Variants in MELTF observed in about 807,000 individuals in gnomAD.
MELTF encodes melanotransferrin.
Under a neutral mutation model 83.7 loss-of-function variants are expected in MELTF, and 67 were observed. The observed-to-expected ratio is 0.80, with a 90% CI of 0.66 to 0.98. The LOEUF is 0.98. Ranked by LOEUF, MELTF falls within the 50% of genes least tolerant of loss-of-function variation. The pLI, the probability that MELTF is intolerant of heterozygous loss-of-function variation, is 0.00. For missense variants in MELTF, 1,002 were observed against 1,035.6 expected (o/e 0.97, Z 0.44); for synonymous variants, 462 against 447.6 (o/e 1.03, Z -0.41).
chr3:197,003,848 G>T lies in MELTF; in HGVS notation c.2137+53C>A. 6.3e-7 allele frequency: 1 copy of T among 1,577,720 alleles called. No individual in the cohort carries two copies. The highest frequency in any genetic ancestry group is 8.6e-7 in the Non-Finnish European group (1 of 1,156,428). On this transcript the variant is annotated intron_variant, in intron 15 of 15. Coordinates refer to ENST00000296350, the MANE Select transcript of MELTF (RefSeq NM_005929.6). This position sits in a 1 kb window ranked among gnomAD's most constrained non-coding sequence, Gnocchi z 6.2. The stretch of plus-strand genomic sequence containing the variant: ...GCCCCCCGCTCCCTCAGGGTTCTGG[G>T]GTGAAGGGGTCTGAATAGCACCAGG...
chr3:197,004,294 T>G, intron 14 of MELTF, 195 bp from the exon 15 acceptor site: 1 of 613,642 alleles, frequency 1.6e-6, no homozygotes, highest in Non-Finnish European at 2.9e-6. Context: ...GTGGGGACAC[T>G]AGGCCCGCAG....
intron 9 of MELTF, 142 bp from the exon 10 acceptor site, chr3:197,010,936 T>C: frequency 2.9e-6 from 2 of 697,094 alleles, no homozygotes; most frequent in Non-Finnish European, 2.5e-6. Context: ...GGGTGGGGAG[T>C]ACCCCATCCT....
At chr3:197,009,165 C>T (rs1416011231) in intron 11 of MELTF, among the ~76,000 whole-genome samples, 200 bp from the exon 12 acceptor site, 1 of 152,150 alleles carries the variant, frequency 6.6e-6, no homozygotes, top group African/African-American at 2.4e-5. Flanking sequence ...TGTCTAGATA[C>T]AGCATCTCCA....
chr3:197,004,043 G>A lies in MELTF; in HGVS notation c.1995C>T (p.Asn665=), dbSNP rs1718885062. 1 of 1,614,076 alleles carries A rather than the reference G, an allele frequency of 6.2e-7. No homozygotes were observed. The highest frequency in any genetic ancestry group is 1.3e-5 in the African/African-American group (1 of 74,946). Residue 665 remains asparagine (N), a synonymous_variant, in exon 15 of 16, where the codon AAC becomes AAT. Coordinates refer to ENST00000296350, the MANE Select transcript of MELTF (RefSeq NM_005929.6). ...KNGFKMFDSS[N]YHGQDLLFKD... ...TGAAAAGCAGGTCTTGGCCATGATA[G>A]TTGGAGGAGTCGAACATTTTGAACC...
chr3:197,027,614 C>T (rs1004740821), intron 2 of MELTF, 142 bp downstream of exon 2: 22 of 1,124,828 alleles, frequency 2.0e-5, no homozygotes, highest in East Asian at 2.7e-5. Context: ...AAGCTGGCCT[C>T]GTGGCCAGGG....
chr3:197,007,319 A>G lies in MELTF; in HGVS notation c.1751-583T>C, dbSNP rs1472737585. ...TAAACCAGCATCCCACTGATTCTAA[A>G]GCAGGCGGTCTCGGGCTGCCTGAGA... On this transcript the variant is annotated intron_variant, in intron 13 of 15. Coordinates refer to ENST00000296350, the MANE Select transcript of MELTF (RefSeq NM_005929.6). The surrounding 1 kb of genome is among the most constrained non-coding windows in gnomAD (Gnocchi z 4.3). Among the ~76,000 whole-genome samples the G allele has an allele frequency of 2.0e-5, 3 of 152,218 alleles. No individual in the cohort carries two copies. Among genetic ancestry groups the G allele is most frequent in the African/African-American group, 7.2e-5 (3 of 41,458 alleles).
intron 14 of MELTF, 136 bp from the exon 15 acceptor site, chr3:197,004,235 T>C: frequency 1.2e-6 from 1 of 831,070 alleles, no homozygotes; most frequent in Non-Finnish European, 2.0e-6. Flanking sequence ...CCACTCTGAT[T>C]GGAAGTCATA....
Position 197,007,334 on chromosome 3 carries a change from G to T in MELTF, c.1751-598C>A, listed in dbSNP as rs536323520. On this transcript the variant is annotated intron_variant, in intron 13 of 15. Coordinates refer to ENST00000296350, the MANE Select transcript of MELTF (RefSeq NM_005929.6). The surrounding 1 kb of genome is among the most constrained non-coding windows in gnomAD (Gnocchi z 4.3). ...CTGATTCTAAAGCAGGCGGTCTCGG[G>T]CTGCCTGAGAAAATGCTGCCCTCAG... Among the ~76,000 whole-genome samples the T allele has an allele frequency of 5.4e-4, 82 of 152,180 alleles. No individual in the cohort carries two copies. The highest frequency in any genetic ancestry group is 1.2e-4 in the Non-Finnish European group (8 of 68,026).
intron 6 of MELTF, chr3:197,019,579 A>T: frequency 6.3e-7 from 1 of 1,583,936 alleles, no homozygotes; most frequent in East Asian, 2.3e-5. Context: ...TCTCAAAAAA[A>T]ACCCCAAGTT....
At chr3:197,028,778 GCCAGAGGCCTGT>G (rs1465095794) in intron 1 of MELTF, 3 of 152,624 alleles carry the variant, frequency 2.0e-5, no homozygotes, top group Non-Finnish European at 2.9e-5. Flanking sequence ...AGCCAGCACT[GCCAGAGGCCTGT>G]GCAGGAGGGA....
At position 197,008,292 on chromosome 3, in the gene MELTF, G is replaced by T. The variant is rs1719050292; in HGVS notation, c.1750+365C>A. On this transcript the variant is annotated intron_variant, in intron 13 of 15. Coordinates refer to ENST00000296350, the MANE Select transcript of MELTF (RefSeq NM_005929.6). The surrounding 1 kb of genome is among the most constrained non-coding windows in gnomAD (Gnocchi z 5.4). ...CAGGAACACAGACCAGATACTGATT[G>T]AACTCATGACCCTGTGGAGAGGCTC... Among the ~76,000 whole-genome samples, 1 of 152,146 alleles carries T rather than the reference G, an allele frequency of 6.6e-6. No individual in the cohort carries two copies. The highest frequency in any genetic ancestry group is 2.4e-5 in the African/African-American group (1 of 41,428).
At chr3:197,017,684 T>A (rs975896987) in intron 6 of MELTF, among the ~76,000 whole-genome samples, 2 of 152,158 alleles carry the variant, frequency 1.3e-5, no homozygotes, top group Non-Finnish European at 1.5e-5. Context: ...AAGACCATCC[T>A]GGCTAACACG....
In MELTF at chr3:197,003,961, G is replaced by A; in HGVS notation, c.2077C>T (p.Leu693=). Residue 693 remains leucine, a synonymous_variant, in exon 15 of 16, where the codon CTG becomes TTG. Transcript: ENST00000296350. This position sits in a 1 kb window ranked among gnomAD's most constrained non-coding sequence, Gnocchi z 6.2. The part of the protein sequence containing the change: ...VGEKTTYRGW[L]GLDYVAALEG... ...AGCGCCGCCACGTAGTCCAGCCCCA[G>A]CCAGCCGCGGTAGGTGGTTTTCTCT... 6.2e-7 allele frequency: 1 copy of A among 1,614,112 alleles called. No homozygotes were observed. Among genetic ancestry groups the A allele is most frequent in the African/African-American group, 1.3e-5 (1 of 75,058 alleles).
rs1330689744 is a variant in MELTF at position 197,029,577 on chromosome 3, AG to A, written c.49+76del. ...GAGCCGCAGGCTCAGGCACATTTCC[AG>A]CCCCGGGACCTGCTCAGCCGGGCCG... On this transcript the variant is annotated intron_variant, in intron 1 of 15. Transcript: ENST00000296350. This position sits in a 1 kb window ranked among gnomAD's most constrained non-coding sequence, Gnocchi z 6.5. The A allele has an allele frequency of 8.6e-7, 1 of 1,161,224 alleles. No individual in the cohort carries two copies. The highest frequency in any genetic ancestry group is 1.6e-5 in the African/African-American group (1 of 62,706). The allele number at this position is 1,161,224 out of a possible 1,614,324, so 71.9% of individuals were successfully genotyped here. A position where few individuals can be genotyped will look rare whatever the true frequency, so the allele number is the denominator to read the frequency against.
In MELTF at chr3:197,009,690, C is replaced by A; in HGVS notation, c.1453G>T (p.Gly485Cys). The A allele has an allele frequency of 1.2e-6, 2 of 1,613,822 alleles. No individual in the cohort carries two copies. Among genetic ancestry groups the A allele is most frequent in the Non-Finnish European group, 1.7e-6 (2 of 1,180,044 alleles). ...SCHAGFGSPAGWDVPVGALIQ... is the reference protein window; with the variant it reads ...SCHAGFGSPACWDVPVGALIQ... ...AGGGCACCCACGGGGACATCCCAGC[C>A]TGCAGGGCTGCCGAAACCGGCGTGG... The change falls in exon 11 of 16, where the codon GGC (glycine) becomes TGC (cysteine). Residue 485 changes from glycine (G) to cysteine (C), a missense_variant. By Grantham distance (159) the Gly-to-Cys change is radical. Transcript: ENST00000296350.
chr3:197,019,550 C>A, intron 6 of MELTF: 1 of 1,560,058 alleles, frequency 6.4e-7, no homozygotes. Flanking sequence ...CCAGCCTGGG[C>A]AACATGGTGA....
Position 197,008,859 on chromosome 3 carries a change from C to T in MELTF, c.1632G>A (p.Lys544=), listed in dbSNP as rs1191619782. 1 of 1,614,212 alleles carries T rather than the reference C, an allele frequency of 6.2e-7. No individual in the cohort carries two copies. Among genetic ancestry groups the T allele is most frequent in the Admixed American group, 1.7e-5 (1 of 60,030 alleles). ...ACCGCTCCTGGCTGTTGCCCACACA[C>T]TTGTTGCGGCCCTGCTCGTCCCCCA... ...LCVGDEQGRN[K]CVGNSQERYY... is the part of the protein sequence containing the mutation. Residue 544 remains lysine (K), a synonymous_variant, in exon 12 of 16, where the codon AAG becomes AAA. Transcript: ENST00000296350. This position sits in a 1 kb window ranked among gnomAD's most constrained non-coding sequence, Gnocchi z 5.4.
At chr3:197,025,939 G>A (rs1577948396) in intron 3 of MELTF, 1 of 152,532 alleles carries the variant, frequency 6.6e-6, no homozygotes, top group East Asian at 1.9e-4. Flanking sequence ...GGGGCTCAGG[G>A]AGCACCTTGG....
chr3:197,021,752 C>T (rs1173330917), intron 5 of MELTF, among the ~76,000 whole-genome samples: 2 of 152,186 alleles, frequency 1.3e-5, no homozygotes, highest in Non-Finnish European at 2.9e-5. Context: ...GGACCCTCTC[C>T]ATCTTAGCTC....
Sources: gnomAD v4.1 joint callset for allele counts (sites outside exome capture counted in the v4.1 genomes callset) on GRCh38, gnomAD v4.1.1 for gene constraint, Gnocchi (gnomAD v3.1) non-coding constraint, MANE v1.5 for transcripts, NCBI Gene and HGNC (gene_info 2026-07-23, HGNC 2026-07-21) for gene names.